Variants in NUP188 observed in about 807,000 individuals in gnomAD.
The protein encoded by NUP188 is nucleoporin 188.
NUP188 carries 97 observed loss-of-function variants against 223.0 expected under a neutral mutation model. That is an observed-to-expected ratio of 0.43 (90% CI 0.37 to 0.51). NUP188 has a LOEUF of 0.51. Among genes scored for constraint, NUP188 ranks in the 20% least tolerant of loss-of-function variants. NUP188 has a pLI of 0.00. For missense variants in NUP188, 1,947 were observed against 2,175.6 expected (o/e 0.89, Z 2.09); for synonymous variants, 869 against 828.0 (o/e 1.05, Z -0.85).
At chr9:129,000,327 C>G (rs1195732812) in intron 34 of NUP188, among the ~76,000 whole-genome samples, 1 of 152,044 alleles carries the variant, frequency 6.6e-6, no homozygotes, top group Non-Finnish European at 1.5e-5. Flanking sequence ...TTGAAATTAG[C>G]ACATTTTGTT....
chr9:128,960,162 C>T (rs1466096370), intron 8 of NUP188, among the ~76,000 whole-genome samples: 1 of 147,544 alleles, frequency 6.8e-6, no homozygotes, highest in Non-Finnish European at 1.5e-5. Flanking sequence ...CTCCCGGGTT[C>T]ACGCCATTCT....
intron 15 of NUP188, 83 bp downstream of exon 15, chr9:128,981,473 C>T: frequency 7.3e-7 from 1 of 1,376,516 alleles, no homozygotes; most frequent in Non-Finnish European, 9.9e-7. Context: ...AGTGCAGTGG[C>T]AAGATCATAG....
At chr9:128,990,597 G>A (rs1282478597) in intron 25 of NUP188, among the ~76,000 whole-genome samples, 1 of 151,996 alleles carries the variant, frequency 6.6e-6, no homozygotes, top group African/African-American at 2.4e-5. Context: ...GGGCATGGTG[G>A]CTCACGCCTG....
intron 3 of NUP188, among the ~76,000 whole-genome samples, chr9:128,953,891 C>CA (rs1028445526): frequency 6.6e-6 from 1 of 151,426 alleles, no homozygotes; most frequent in African/African-American, 2.4e-5. Flanking sequence ...AGTGCAGTGT[C>CA]ACATCTCAGC....
intron 12 of NUP188, among the ~76,000 whole-genome samples, chr9:128,975,423 C>A (rs907412613): frequency 3.3e-5 from 5 of 151,564 alleles, no homozygotes; most frequent in African/African-American, 1.2e-4. Context: ...GGGGTTTCAC[C>A]GTGTTAGCCA....
intron 8 of NUP188, among the ~76,000 whole-genome samples, chr9:128,965,497 A>T (rs987016062): frequency 5.3e-5 from 8 of 152,030 alleles, no homozygotes; most frequent in Admixed American, 1.3e-4. Context: ...CTATAGCCCA[A>T]ACTGGAGTGC....
At chr9:128,975,346 C>T (rs1191242734) in intron 12 of NUP188, among the ~76,000 whole-genome samples, 1 of 150,920 alleles carries the variant, frequency 6.6e-6, no homozygotes, top group Non-Finnish European at 1.5e-5. Flanking sequence ...GCCTCAGCCT[C>T]CCGAGTAGCT....
intron 41 of NUP188, 93 bp from the exon 42 acceptor site, chr9:129,005,957 A>C (rs982930333): frequency 6.2e-6 from 9 of 1,458,856 alleles, no homozygotes; most frequent in Non-Finnish European, 8.6e-6. Context: ...GTAACTGATT[A>C]AATTTGCTTA....
At position 128,961,585 on chromosome 9, in the gene NUP188, T is replaced by TAGATAGATAG. The variant is rs1564551915; in HGVS notation, c.585+2451_585+2452insAGATAGATAG. ...ATATATCTATATCTATATCTATCTA[T>TAGATAGATAG]CTATCTAGATAGATAGATAGATAGA... On this transcript the variant is annotated intron_variant, in intron 8 of 43. Coordinates refer to ENST00000372577, the MANE Select transcript of NUP188 (RefSeq NM_015354.3). Among the ~76,000 whole-genome samples, 158 of 123,014 alleles carry TAGATAGATAG rather than the reference T, an allele frequency of 1.3e-3. 2 individuals are homozygous for TAGATAGATAG. The highest frequency in any genetic ancestry group is 7.4e-3 in the African/African-American group (150 of 20,376). The allele number at this position is 123,014 out of a possible 152,430, so 80.7% of individuals were successfully genotyped here.
At chr9:128,971,548 A>G (rs545968326) in intron 11 of NUP188, among the ~76,000 whole-genome samples, 14 of 152,036 alleles carry the variant, frequency 9.2e-5, no homozygotes, top group South Asian at 2.1e-4. Context: ...CCTCCCAAGT[A>G]GCTGGGACTA....
At chr9:128,954,307 C>T (rs1296098989) in intron 3 of NUP188, among the ~76,000 whole-genome samples, 2 of 150,142 alleles carry the variant, frequency 1.3e-5, no homozygotes, top group Admixed American at 6.7e-5. Flanking sequence ...CTCTGCCTCC[C>T]GGGTTCACGC....
chr9:128,998,375 T>A (rs1310749999), intron 31 of NUP188, 147 bp downstream of exon 31: 1 of 966,552 alleles, frequency 1.0e-6, no homozygotes, highest in Non-Finnish European at 1.7e-6. Context: ...CTGTAGTGGG[T>A]CAGCAGAGCT....
At chr9:128,981,924 A>G (rs1282789683) in intron 15 of NUP188, among the ~76,000 whole-genome samples, 2 of 152,038 alleles carry the variant, frequency 1.3e-5, no homozygotes, top group Non-Finnish European at 2.9e-5. Context: ...CTAAAAATAT[A>G]AAATTAGTCG....
intron 11 of NUP188, among the ~76,000 whole-genome samples, chr9:128,972,087 C>T (rs1459817066): frequency 6.6e-6 from 1 of 152,198 alleles, no homozygotes. Context: ...AGCAATTATA[C>T]TCCTTGGTTG....
At chr9:128,957,167 A>C in intron 5 of NUP188, 135 bp downstream of exon 5, 1 of 585,806 alleles carries the variant, frequency 1.7e-6, no homozygotes, top group Non-Finnish European at 3.0e-6. Flanking sequence ...GGGAAGACCT[A>C]CTAAAGGCTT....
chr9:128,999,705 A>G lies in NUP188; in HGVS notation c.3743A>G (p.Gln1248Arg), dbSNP rs1324188539. 2 of 1,613,974 alleles carry G rather than the reference A, an allele frequency of 1.2e-6. No homozygotes were observed. The highest frequency in any genetic ancestry group is 2.7e-5 in the African/African-American group (2 of 74,926). The change falls in exon 34 of 44, where the codon CAG (glutamine) becomes CGG (arginine). Residue 1248 changes from glutamine to arginine, a missense_variant. Coordinates refer to ENST00000372577, the MANE Select transcript of NUP188 (RefSeq NM_015354.3). ...LQEEVIALFD[Q>R]TRHSLALGSA... Reference sequence around the variant, plus strand: ...GAGGAAGTGATTGCACTCTTCGACCAGACCCGCCACAGTCTGGCATTAGGC... The same window carrying G: ...GAGGAAGTGATTGCACTCTTCGACCGGACCCGCCACAGTCTGGCATTAGGC...
At chr9:128,973,595 C>G (rs997408880) in intron 12 of NUP188, among the ~76,000 whole-genome samples, 1 of 152,104 alleles carries the variant, frequency 6.6e-6, no homozygotes, top group African/African-American at 2.4e-5. Flanking sequence ...GTCGACCAGG[C>G]TGGTCTTAAA....
At chr9:128,957,147 G>A (rs1412565874) in intron 5 of NUP188, 115 bp downstream of exon 5, 14 of 656,666 alleles carry the variant, frequency 2.1e-5, no homozygotes, top group South Asian at 4.4e-5. Context: ...ATCAGGTACC[G>A]TCATCTTCAG....
intron 1 of NUP188, chr9:128,948,284 C>G (rs1307378503): frequency 6.5e-6 from 1 of 152,876 alleles, no homozygotes; most frequent in Non-Finnish European, 1.5e-5. Flanking sequence ...CGCCTCGTAT[C>G]GTTCTTTTCT....
Sources: gnomAD v4.1 joint callset for allele counts (sites outside exome capture counted in the v4.1 genomes callset) on GRCh38, gnomAD v4.1.1 for gene constraint, MANE v1.5 for transcripts, NCBI Gene and HGNC (gene_info 2026-07-23, HGNC 2026-07-21) for gene names.